The following ATXN7 variants were observed in gnomAD, a reference collection of about 807,000 sequenced individuals.
ATXN7 encodes ataxin 7, also known as ataxin-7.
ATXN7 carries 12 observed loss-of-function variants against 70.5 expected under a neutral mutation model. That is an observed-to-expected ratio of 0.17 (90% CI 0.11 to 0.28). The LOEUF is 0.28. ATXN7 is among the 10% of genes least tolerant of loss of function. The pLI is 1.00. For missense variants in ATXN7, 1,256 were observed against 1,131.7 expected (o/e 1.11, Z -1.58); for synonymous variants, 498 against 448.7 (o/e 1.11, Z -1.39).
intron 5 of ATXN7, chr3:63,967,828 A>G (rs2075251308): frequency 7.9e-6 from 12 of 1,521,568 alleles, no homozygotes; most frequent in Non-Finnish European, 1.1e-5. Context: ...AACATGGAGC[A>G]TATTTGGAGT....
At chr3:63,982,131 C>T in intron 6 of ATXN7, 55 bp from the exon 7 acceptor site, 1 of 1,609,670 alleles carries the variant, frequency 6.2e-7, no homozygotes, top group Non-Finnish European at 8.5e-7. Flanking sequence ...TCACCATTCA[C>T]CTGGGGGCTG....
At chr3:63,935,636 T>C (rs868470033) in intron 4 of ATXN7, among the ~76,000 whole-genome samples, 1 of 152,284 alleles carries the variant, frequency 6.6e-6, no homozygotes, top group South Asian at 2.1e-4. Context: ...TTTTGAACAG[T>C]CTGCACTTTC....
chr3:63,900,040 T>C (rs1475749650), intron 2 of ATXN7, among the ~76,000 whole-genome samples: 1 of 152,156 alleles, frequency 6.6e-6, no homozygotes, highest in Non-Finnish European at 1.5e-5. Flanking sequence ...GCCATGATGA[T>C]GCTGCTGCAC....
At chr3:63,926,787 T>A (rs551128973) in intron 4 of ATXN7, among the ~76,000 whole-genome samples, 3 of 152,080 alleles carry the variant, frequency 2.0e-5, no homozygotes, top group African/African-American at 7.2e-5. Flanking sequence ...CCGTTTTTTT[T>A]AATTTGTCCT....
chr3:63,909,565 A>G (rs1200207027), intron 2 of ATXN7, among the ~76,000 whole-genome samples: 2 of 152,230 alleles, frequency 1.3e-5, no homozygotes, highest in Admixed American at 6.5e-5. Context: ...TCTTGTTTAT[A>G]AACAGTATGC....
In ATXN7 at chr3:64,000,810, A is replaced by G. The variant is rs1279388014; in HGVS notation, c.*1343A>G. On this transcript the variant is annotated 3_prime_UTR_variant, in exon 13 of 13. Transcript: ENST00000674280. ...TATTTTTTCTAGTACCCCACCCCCC[A>G]CCCCTAAAGAAAGACCTTAATATGT... 4.4e-5 allele frequency: 4 copies of G among 90,306 alleles called. No individual in the cohort carries two copies. Among genetic ancestry groups the G allele is most frequent in the African/African-American group, 1.8e-4 (4 of 22,484 alleles). The allele number at this position is 90,306 out of a possible 1,614,324, so 5.6% of individuals were successfully genotyped here.
At position 63,917,920 on chromosome 3, in the gene ATXN7, G is replaced by C. The variant is rs991936385; in HGVS notation, c.394+4695G>C. 2.6e-5 allele frequency among the ~76,000 whole-genome samples: 4 copies of C among 152,194 alleles called. No homozygotes were observed. The South Asian group carries it at 8.3e-4, about 31-fold the overall frequency. On this transcript the variant is annotated intron_variant, in intron 4 of 12. Coordinates refer to ENST00000674280, the MANE Select transcript of ATXN7 (RefSeq NM_001377405.1). ...TAGGGGGTGTTGCTGTATGGCCCCAGGGGAGGCCAGAAGGTTTCAGCACTT... is the reference window on the plus strand; with the variant it reads ...TAGGGGGTGTTGCTGTATGGCCCCACGGGAGGCCAGAAGGTTTCAGCACTT...
intron 5 of ATXN7, among the ~76,000 whole-genome samples, chr3:63,966,546 T>A (rs1457991185): frequency 3.3e-5 from 5 of 152,154 alleles, no homozygotes; most frequent in African/African-American, 7.2e-5. Context: ...AGTTTTGGAT[T>A]GTATGAACGT....
intron 8 of ATXN7, among the ~76,000 whole-genome samples, chr3:63,983,323 G>T (rs2075520160): frequency 6.6e-6 from 1 of 152,150 alleles, no homozygotes; most frequent in Non-Finnish European, 1.5e-5. Flanking sequence ...TTTCCATATA[G>T]GCTACCCTTG....
chr3:63,956,036 A>T (rs1234050373), intron 5 of ATXN7, among the ~76,000 whole-genome samples: 1 of 152,206 alleles, frequency 6.6e-6, no homozygotes, highest in African/African-American at 2.4e-5. Flanking sequence ...GTTAACAATT[A>T]ACCAGGATTT....
chr3:63,984,874 G>A (rs1334588051), intron 8 of ATXN7, among the ~76,000 whole-genome samples: 2 of 152,132 alleles, frequency 1.3e-5, no homozygotes, highest in Non-Finnish European at 2.9e-5. Flanking sequence ...GGAATCATGC[G>A]GTGTTTAGTC....
intron 5 of ATXN7, among the ~76,000 whole-genome samples, chr3:63,978,112 G>A (rs756416892): frequency 6.6e-6 from 1 of 152,282 alleles, no homozygotes; most frequent in East Asian, 1.9e-4. Context: ...TGTCTCAACC[G>A]TGGCTGCACA....
At chr3:63,907,949 T>G (rs1050717552) in intron 2 of ATXN7, among the ~76,000 whole-genome samples, 1 of 152,206 alleles carries the variant, frequency 6.6e-6, no homozygotes, top group Non-Finnish European at 1.5e-5. Flanking sequence ...TTTTCTTCTC[T>G]TTTCAAGCAA....
chr3:63,883,648 A>G (rs1427989801), intron 1 of ATXN7, among the ~76,000 whole-genome samples: 3 of 152,198 alleles, frequency 2.0e-5, no homozygotes, highest in Non-Finnish European at 1.5e-5. Flanking sequence ...ATAGGAAGGT[A>G]TAACTGCCAT....
At chr3:63,876,673 C>G (rs1370574496) in intron 1 of ATXN7, among the ~76,000 whole-genome samples, 1 of 152,136 alleles carries the variant, frequency 6.6e-6, no homozygotes, top group Non-Finnish European at 1.5e-5. Flanking sequence ...CGGTCCTGAT[C>G]TGAGAGTAGG....
At chr3:63,962,631 C>CT (rs1357896317) in intron 5 of ATXN7, among the ~76,000 whole-genome samples, 1 of 152,062 alleles carries the variant, frequency 6.6e-6, no homozygotes, top group Non-Finnish European at 1.5e-5. Context: ...TCTTGAACTC[C>CT]TGACCTCAAG....
At chr3:63,864,523 C>G (rs963887075) in intron 1 of ATXN7, 1 of 152,186 alleles carries the variant, frequency 6.6e-6, no homozygotes, top group African/African-American at 2.4e-5. Flanking sequence ...GCCCCTGCGG[C>G]CGCCCCCTTC....
chr3:63,925,683 A>C (rs1219896480), intron 4 of ATXN7, among the ~76,000 whole-genome samples: 1 of 152,174 alleles, frequency 6.6e-6, no homozygotes, highest in Non-Finnish European at 1.5e-5. Context: ...AGGCCTGGAT[A>C]GTGGGAGTGT....
intron 4 of ATXN7, among the ~76,000 whole-genome samples, chr3:63,950,436 A>G (rs971406018): frequency 2.0e-5 from 3 of 152,202 alleles, no homozygotes; most frequent in Non-Finnish European, 4.4e-5. Context: ...TGTTTATTTA[A>G]TACTGTTTTA....
Sources: gnomAD v4.1 joint callset for allele counts (sites outside exome capture counted in the v4.1 genomes callset) on GRCh38, gnomAD v4.1.1 for gene constraint, MANE v1.5 for transcripts, NCBI Gene and HGNC (gene_info 2026-07-23, HGNC 2026-07-21) for gene names.